The following PREX2 variants were observed in gnomAD, a reference collection of about 807,000 sequenced individuals.
PREX2 encodes phosphatidylinositol 3,4,5-trisphosphate-dependent Rac exchanger 2 protein.
Under a neutral mutation model 203.2 loss-of-function variants are expected in PREX2, and 107 were observed. The observed-to-expected ratio is 0.53, with a 90% CI of 0.45 to 0.62. The LOEUF is 0.62. Among genes scored for constraint, PREX2 ranks in the 20% least tolerant of loss-of-function variants. PREX2 has a pLI of 0.00. For missense variants in PREX2, 1,777 were observed against 1,955.9 expected (o/e 0.91, Z 1.72); for synonymous variants, 672 against 663.6 (o/e 1.01, Z -0.19).
At position 68,053,154 on chromosome 8, in the gene PREX2, C is replaced by A; in HGVS notation, c.1001C>A (p.Ala334Glu). ...VVNGWKIHNT[A>E]KNKWFVCMAK... is the part of the protein sequence containing the mutation. ...AATGGATGGAAGATACATAACACAG[C>A]AAAAAATAAATGGTTTGTTTGTATG... Residue 334 changes from alanine to glutamate, a missense_variant, in exon 9 of 40, where the codon GCA becomes GAA. Ala to Glu is a moderately radical substitution (Grantham distance 107, BLOSUM62 -1). Transcript: ENST00000288368. 6.2e-7 allele frequency: 1 copy of A among 1,613,264 alleles called. No individual in the cohort carries two copies. Among genetic ancestry groups the A allele is most frequent in the South Asian group, 1.1e-5 (1 of 91,040 alleles).
chr8:68,013,761 T>C (rs1585705445), intron 1 of PREX2, among the ~76,000 whole-genome samples: 1 of 152,198 alleles, frequency 6.6e-6, no homozygotes, highest in Non-Finnish European at 1.5e-5. Flanking sequence ...ATTTTGCCTT[T>C]ATATATACAA....
At position 68,047,510 on chromosome 8, in the gene PREX2, CATACAT is replaced by C. The variant is rs1415019984; in HGVS notation, c.943+2924_943+2929del. Among the ~76,000 whole-genome samples, 142 of 74,574 alleles carry C rather than the reference CATACAT, an allele frequency of 1.9e-3. 2 individuals are homozygous for C. The highest frequency in any genetic ancestry group is 5.9e-3 in the African/African-American group (139 of 23,658). The allele number at this position is 74,574 out of a possible 152,430, so 48.9% of individuals were successfully genotyped here. A position where few individuals can be genotyped will look rare whatever the true frequency, so the allele number is the denominator to read the frequency against. On this transcript the variant is annotated intron_variant, in intron 8 of 39. Transcript: ENST00000288368. The stretch of plus-strand genomic sequence containing the variant: ...ATATATATATATATATATATATACA[CATACAT>C]ATATATATATGTATTTTTTTAAGCA...
chr8:68,097,152 T>C lies in PREX2; in HGVS notation c.2504T>C (p.Val835Ala). The C allele has an allele frequency of 6.2e-7, 1 of 1,613,924 alleles. No individual in the cohort carries two copies. The change falls in exon 22 of 40, where the codon GTG becomes GCG. Residue 835 changes from valine (V) to alanine (A), a missense_variant. Transcript: ENST00000288368. ...AGCACAGCTGGCATCAAGTGCAATG[T>C]GGTGGAAAAGATGATTGAGCCCAAA... ...YDSTAGIKCN[V>A]VEKMIEPKGF...
chr8:68,068,331 T>C (rs1809081222), intron 11 of PREX2, among the ~76,000 whole-genome samples: 1 of 151,892 alleles, frequency 6.6e-6, no homozygotes, highest in African/African-American at 2.4e-5. Flanking sequence ...GGAATAGGAG[T>C]CTTTATTAAT....
chr8:68,159,943 C>T (rs764213662), intron 35 of PREX2, among the ~76,000 whole-genome samples: 1 of 152,138 alleles, frequency 6.6e-6, no homozygotes, highest in East Asian at 1.9e-4. Flanking sequence ...TTGCTATAAG[C>T]TGTAAATGGC....
At chr8:68,016,624 A>G (rs781178853) in intron 1 of PREX2, among the ~76,000 whole-genome samples, 2 of 152,008 alleles carry the variant, frequency 1.3e-5, no homozygotes, top group Non-Finnish European at 2.9e-5. Context: ...TTTTATTTTT[A>G]TCTTTTGAGA....
At chr8:68,001,666 T>C (rs1289833860) in intron 1 of PREX2, among the ~76,000 whole-genome samples, 1 of 152,192 alleles carries the variant, frequency 6.6e-6, no homozygotes, top group Non-Finnish European at 1.5e-5. Flanking sequence ...GCATCACTAT[T>C]CACAATAGCA....
At position 68,033,748 on chromosome 8, in the gene PREX2, A is replaced by G. The variant is rs144430567; in HGVS notation, c.705+3090A>G. Among the ~76,000 whole-genome samples, 193 of 152,330 alleles carry G rather than the reference A, an allele frequency of 1.3e-3. 1 individual carries two copies. The East Asian group carries it at 0.035, about 28-fold the overall frequency. Reference sequence around the variant, plus strand: ...TGGGTAAATTTGCTAAGGGAAGGGCAGAGGATCTTGACTGCCAGTCCTCCA... The same window carrying G: ...TGGGTAAATTTGCTAAGGGAAGGGCGGAGGATCTTGACTGCCAGTCCTCCA... On this transcript the variant is annotated intron_variant, in intron 6 of 39. Transcript: ENST00000288368.
chr8:68,210,335 A>G (rs1812719447), intron 37 of PREX2, among the ~76,000 whole-genome samples: 1 of 152,170 alleles, frequency 6.6e-6, no homozygotes, highest in South Asian at 2.1e-4. Flanking sequence ...TCATCACCCT[A>G]GATTTTCATG....
chr8:68,084,838 A>T (rs893015754), intron 18 of PREX2, among the ~76,000 whole-genome samples: 1 of 152,152 alleles, frequency 6.6e-6, no homozygotes, highest in African/African-American at 2.4e-5. Flanking sequence ...GTAGTATTGA[A>T]AGCAATCATT....
intron 20 of PREX2, 63 bp downstream of exon 20, chr8:68,090,778 A>G (rs2129612218): frequency 7.1e-7 from 1 of 1,404,800 alleles, no homozygotes; most frequent in South Asian, 1.3e-5. Flanking sequence ...TAAGGGGTTG[A>G]GGTGGGATAG....
chr8:68,046,742 T>G (rs2129610952), intron 8 of PREX2, among the ~76,000 whole-genome samples: 1 of 152,232 alleles, frequency 6.6e-6, no homozygotes, highest in African/African-American at 2.4e-5. Flanking sequence ...TTACTTTTTC[T>G]TGAATGTATA....
intron 15 of PREX2, among the ~76,000 whole-genome samples, chr8:68,077,707 A>G (rs13249671): frequency 0.011 from 1,651 of 152,200 alleles, 11 homozygotes; most frequent in Non-Finnish European, 0.018. Context: ...ATTTTTCTAG[A>G]CTATGCTGAT....
intron 1 of PREX2, among the ~76,000 whole-genome samples, chr8:67,969,816 C>T (rs567406246): frequency 8.1e-4 from 124 of 152,222 alleles, no homozygotes; most frequent in African/African-American, 2.7e-3. Context: ...ATTTTGCTAC[C>T]GCTGTGTAAA....
intron 39 of PREX2, among the ~76,000 whole-genome samples, chr8:68,226,958 G>A (rs1201655851): frequency 6.6e-6 from 1 of 152,164 alleles, no homozygotes; most frequent in Non-Finnish European, 1.5e-5. Flanking sequence ...TGAGAACTAT[G>A]CCTAGACCTC....
chr8:68,157,887 T>C (rs922673021), intron 35 of PREX2, among the ~76,000 whole-genome samples: 2 of 152,004 alleles, frequency 1.3e-5, no homozygotes, highest in African/African-American at 4.8e-5. Context: ...TGGAAAAATA[T>C]GTACTTTCAA....
Position 68,118,559 on chromosome 8 carries a change from C to T in PREX2, c.3336C>T (p.Asn1112=). The change falls in exon 27 of 40, where the codon AAC becomes AAT. Residue 1112 remains asparagine (N), a synonymous_variant. Coordinates refer to ENST00000288368, the MANE Select transcript of PREX2 (RefSeq NM_024870.4). Reference sequence around the variant, plus strand: ...AACCTGTTGTTTTCAGTGACTGCAACAGCAATAGGAATTCCATCGCCTCCT... The same window carrying T: ...AACCTGTTGTTTTCAGTGACTGCAATAGCAATAGGAATTCCATCGCCTCCT... ...ISNRDSYSDC[N]SNRNSIASFT... 6.2e-7 allele frequency: 1 copy of T among 1,613,446 alleles called. No individual in the cohort carries two copies. Among genetic ancestry groups the T allele is most frequent in the Non-Finnish European group, 8.5e-7 (1 of 1,179,390 alleles).
At chr8:67,967,020 G>C (rs1248859801) in intron 1 of PREX2, among the ~76,000 whole-genome samples, 4 of 152,232 alleles carry the variant, frequency 2.6e-5, no homozygotes, top group Non-Finnish European at 5.9e-5. Flanking sequence ...AGAGGAATAA[G>C]TGTGCATGTG....
At chr8:68,003,731 G>T (rs1361823435) in intron 1 of PREX2, among the ~76,000 whole-genome samples, 1 of 151,574 alleles carries the variant, frequency 6.6e-6, no homozygotes, top group Non-Finnish European at 1.5e-5. Context: ...TTTGCTAAAA[G>T]ATATGAAATA....
Sources: gnomAD v4.1 joint callset for allele counts (sites outside exome capture counted in the v4.1 genomes callset) on GRCh38, gnomAD v4.1.1 for gene constraint, MANE v1.5 for transcripts, NCBI Gene and HGNC (gene_info 2026-07-23, HGNC 2026-07-21) for gene names.